The following KCNQ1 variants were observed in gnomAD, a reference collection of about 807,000 sequenced individuals.
The protein encoded by KCNQ1 is potassium voltage-gated channel subfamily Q member 1.
KCNQ1 carries 49 observed loss-of-function variants against 72.4 expected under a neutral mutation model. The observed-to-expected ratio is 0.68, with a 90% confidence interval of 0.54 to 0.86. The LOEUF is 0.86. Ranked by LOEUF, KCNQ1 falls within the 40% of genes least tolerant of loss-of-function variation. KCNQ1 has a pLI of 0.00. For synonymous variants in KCNQ1, 450 were observed against 412.6 expected (o/e 1.09, Z -1.10); for missense variants, 790 against 945.1 (o/e 0.84, Z 2.15).
intron 11 of KCNQ1, among the ~76,000 whole-genome samples, chr11:2,729,624 C>T (rs148729304): frequency 5.3e-4 from 81 of 152,246 alleles, no homozygotes; most frequent in Non-Finnish European, 8.4e-4. Context: ...GTCGTTATTC[C>T]CTAAACAATA....
intron 15 of KCNQ1, among the ~76,000 whole-genome samples, chr11:2,831,477 C>T (rs1003019042): frequency 4.6e-5 from 7 of 152,102 alleles, no homozygotes; most frequent in Non-Finnish European, 8.8e-5. Flanking sequence ...AGAAGCTCTC[C>T]AGGTCTCTGG....
Position 2,497,827 on chromosome 11 carries a change from C to T in KCNQ1, c.387-30101C>T, listed in dbSNP as rs1253594575. 6.6e-6 allele frequency among the ~76,000 whole-genome samples: 1 copy of T among 152,170 alleles called. No homozygotes were observed. The highest frequency in any genetic ancestry group is 1.5e-5 in the Non-Finnish European group (1 of 68,022). On this transcript the variant is annotated intron_variant, in intron 1 of 15. Transcript: ENST00000155840. The surrounding 1 kb of genome is among the most constrained non-coding windows in gnomAD (Gnocchi z 4.5). ...ATTTATCTGCCTTTGCTCTTTGAGGCTGATGACCTTTGGATGGGGTTTTTG... is the reference window on the plus strand; with the variant it reads ...ATTTATCTGCCTTTGCTCTTTGAGGTTGATGACCTTTGGATGGGGTTTTTG...
rs1042975117 is a variant in KCNQ1, at chr11:2,642,027, A to C, written c.1394-19934A>C. 11 of 398,208 alleles carry C rather than the reference A, an allele frequency of 2.8e-5. No homozygotes were observed. The highest frequency in any genetic ancestry group is 6.2e-4 in the Middle Eastern group (1 of 1,608). 24.7% of individuals were successfully genotyped at this position (398,208 alleles called of 1,614,324 possible). On this transcript the variant is annotated intron_variant, in intron 10 of 15. Coordinates refer to ENST00000155840, the MANE Select transcript of KCNQ1 (RefSeq NM_000218.3). The surrounding 1 kb of genome is among the most constrained non-coding windows in gnomAD (Gnocchi z 4.3). ...AATACCATGCTGCTTTTAATGCTATAGCCTTATATTTTTAAATCAGGCAGT... is the reference window on the plus strand; with the variant it reads ...AATACCATGCTGCTTTTAATGCTATCGCCTTATATTTTTAAATCAGGCAGT...
chr11:2,829,820 C>T (rs1179547675), intron 15 of KCNQ1, among the ~76,000 whole-genome samples: 2 of 151,834 alleles, frequency 1.3e-5, no homozygotes, highest in East Asian at 1.9e-4. Context: ...AGATCTAGCG[C>T]CCAGGGAAGG....
At position 2,785,263 on chromosome 11, in the gene KCNQ1, C is replaced by T. The variant is rs984720054; in HGVS notation, c.1794+7226C>T. On this transcript the variant is annotated intron_variant, in intron 15 of 15. Coordinates refer to ENST00000155840, the MANE Select transcript of KCNQ1 (RefSeq NM_000218.3). The surrounding 1 kb of genome is among the most constrained non-coding windows in gnomAD (Gnocchi z 4.4). ...GTGAGATGGTCCTGTGGTTTTTATT[C>T]CTTATTCTACTGATTTGGTATAATA... Among the ~76,000 whole-genome samples, 1 of 151,728 alleles carries T rather than the reference C, an allele frequency of 6.6e-6. No individual in the cohort carries two copies. The highest frequency in any genetic ancestry group is 1.5e-5 in the Non-Finnish European group (1 of 67,772).
At position 2,478,614 on chromosome 11, in the gene KCNQ1, C is replaced by T. The variant is rs758060371; in HGVS notation, c.386+33130C>T. 6.6e-5 allele frequency among the ~76,000 whole-genome samples: 10 copies of T among 152,156 alleles called. No homozygotes were observed. The highest frequency in any genetic ancestry group is 3.2e-3 in the Middle Eastern group (1 of 316). ...ACCCCCATGATTCAATTATCTCCCA[C>T]GAGGTCCCTCCCATGACACGTGGGA... On this transcript the variant is annotated intron_variant, in intron 1 of 15. Transcript: ENST00000155840. This position sits in a 1 kb window ranked among gnomAD's most constrained non-coding sequence, Gnocchi z 4.0.
At chr11:2,570,823 C>A (rs1451824085) in intron 3 of KCNQ1, 69 bp downstream of exon 3, 9 of 1,595,500 alleles carry the variant, frequency 5.6e-6, no homozygotes, top group African/African-American at 2.7e-5. Context: ...CACCTCATGA[C>A]CCCTACCAGA....
chr11:2,445,504 ACGGCC>A lies in KCNQ1; in HGVS notation c.386+21_386+25del. The A allele has an allele frequency of 6.3e-7, 1 of 1,587,328 alleles. No individual in the cohort carries two copies. Among genetic ancestry groups the A allele is most frequent in the Non-Finnish European group, 8.5e-7 (1 of 1,175,352 alleles). ...CGCCGTGTGAGTATCGCCACCGGCG[ACGGCC>A]GGCACGAAGGTGCTTCCTGAGAGCT... is the stretch of plus-strand genomic sequence containing the variant. On this transcript the variant is annotated intron_variant, in intron 1 of 15. Coordinates refer to ENST00000155840, the MANE Select transcript of KCNQ1 (RefSeq NM_000218.3).
In KCNQ1 at chr11:2,568,881, TGTTTTTC is replaced by T. The variant is rs1407524835; in HGVS notation, c.478-1740_478-1734del. ...CCTTTTGTTTTTGTTTTTTGATTTT[TGTTTTTC>T]GTTTTTTGTTTTTTGAGATGGAGTC... On this transcript the variant is annotated intron_variant, in intron 2 of 15. Coordinates refer to ENST00000155840, the MANE Select transcript of KCNQ1 (RefSeq NM_000218.3). Among the ~76,000 whole-genome samples the T allele has an allele frequency of 4.4e-3, 664 of 152,104 alleles. 8 individuals carry two copies. The highest frequency in any genetic ancestry group is 0.014 in the African/African-American group (593 of 41,516).
At chr11:2,680,187 T>C (rs1850368206) in intron 11 of KCNQ1, 1 of 391,120 alleles carries the variant, frequency 2.6e-6, no homozygotes, top group Non-Finnish European at 4.4e-6. Context: ...CCAATGCACC[T>C]GGCCTCAGCT....
At position 2,483,663 on chromosome 11, in the gene KCNQ1, A is replaced by G. The variant is rs1846689394; in HGVS notation, c.386+38179A>G. On this transcript the variant is annotated intron_variant, in intron 1 of 15. Coordinates refer to ENST00000155840, the MANE Select transcript of KCNQ1 (RefSeq NM_000218.3). The surrounding 1 kb of genome is among the most constrained non-coding windows in gnomAD (Gnocchi z 6.1). ...GGTTTGGATTCTCTGATATGCTCTC[A>G]TGATTAGATCAAGATTGTGCATTTT... Among the ~76,000 whole-genome samples the G allele has an allele frequency of 6.6e-6, 1 of 152,074 alleles. No individual in the cohort carries two copies. Among genetic ancestry groups the G allele is most frequent in the Non-Finnish European group, 1.5e-5 (1 of 68,004 alleles).
chr11:2,846,414 T>G (rs1410727492), intron 15 of KCNQ1, among the ~76,000 whole-genome samples: 1 of 152,172 alleles, frequency 6.6e-6, no homozygotes, highest in Non-Finnish European at 1.5e-5. Flanking sequence ...GAGGGTCTAC[T>G]TCATTCTCCA....
At chr11:2,846,724 G>A (rs79620551) in intron 15 of KCNQ1, among the ~76,000 whole-genome samples, 1,786 of 152,354 alleles carry the variant, frequency 0.012, 41 homozygotes, top group African/African-American at 0.04. Flanking sequence ...CACCCGGGGC[G>A]GGCTCCAGCC....
rs1018927341 is a variant in KCNQ1 at position 2,746,347 on chromosome 11, A to G, written c.1515-22497A>G. 5.9e-5 allele frequency among the ~76,000 whole-genome samples: 9 copies of G among 152,228 alleles called. No homozygotes were observed. Among genetic ancestry groups the G allele is most frequent in the Admixed American group, 2.6e-4 (4 of 15,290 alleles). On this transcript the variant is annotated intron_variant, in intron 11 of 15. Coordinates refer to ENST00000155840, the MANE Select transcript of KCNQ1 (RefSeq NM_000218.3). The surrounding 1 kb of genome is among the most constrained non-coding windows in gnomAD (Gnocchi z 5.9). ...CATTAGTATGCATTTGTCACAAGGAAACAACAGTGCTACATGACTGTTAAC... is the reference window on the plus strand; with the variant it reads ...CATTAGTATGCATTTGTCACAAGGAGACAACAGTGCTACATGACTGTTAAC...
chr11:2,795,556 C>T (rs986838725), intron 15 of KCNQ1, among the ~76,000 whole-genome samples: 1 of 152,190 alleles, frequency 6.6e-6, no homozygotes, highest in Non-Finnish European at 1.5e-5. Context: ...CTTGAGCAGG[C>T]CCCTGATCTA....
At chr11:2,465,136 C>T (rs898257698) in intron 1 of KCNQ1, among the ~76,000 whole-genome samples, 1 of 152,234 alleles carries the variant, frequency 6.6e-6, no homozygotes, top group Non-Finnish European at 1.5e-5. Context: ...CCATGGGCCA[C>T]AGGCCCCTTC....
At chr11:2,758,293 C>T (rs1389961287) in intron 11 of KCNQ1, among the ~76,000 whole-genome samples, 3 of 152,152 alleles carry the variant, frequency 2.0e-5, no homozygotes, top group African/African-American at 7.2e-5. Flanking sequence ...GGAAGAAGTA[C>T]ACCAAAAGAT....
Position 2,602,993 on chromosome 11 carries a change from A to G in KCNQ1, c.1393+14139A>G, listed in dbSNP as rs1848828658. On this transcript the variant is annotated intron_variant, in intron 10 of 15. Transcript: ENST00000155840. This position sits in a 1 kb window ranked among gnomAD's most constrained non-coding sequence, Gnocchi z 4.8. ...TAAGAAGTCTTTGGCCCTGGACCCC[A>G]AATATCTTCTGCTATAGCTTTTTTC... Among the ~76,000 whole-genome samples the G allele has an allele frequency of 6.6e-6, 1 of 152,202 alleles. No individual in the cohort carries two copies.
In KCNQ1 at chr11:2,446,813, T is replaced by A. The variant is rs1846046339; in HGVS notation, c.386+1329T>A. On this transcript the variant is annotated intron_variant, in intron 1 of 15. Transcript: ENST00000155840. The surrounding 1 kb of genome is among the most constrained non-coding windows in gnomAD (Gnocchi z 8.8). Reference sequence around the variant, plus strand: ...GCCTGAGCCACAGCCGCTGCTGGTCTGTGAGAGGAGCTGGCTCTGCTCGTG... The same window carrying A: ...GCCTGAGCCACAGCCGCTGCTGGTCAGTGAGAGGAGCTGGCTCTGCTCGTG... 6.6e-6 allele frequency among the ~76,000 whole-genome samples: 1 copy of A among 152,222 alleles called. No individual in the cohort carries two copies. Among genetic ancestry groups the A allele is most frequent in the Non-Finnish European group, 1.5e-5 (1 of 68,024 alleles).
Sources: gnomAD v4.1 joint callset for allele counts (sites outside exome capture counted in the v4.1 genomes callset) on GRCh38, gnomAD v4.1.1 for gene constraint, Gnocchi (gnomAD v3.1) non-coding constraint, MANE v1.5 for transcripts, NCBI Gene and HGNC (gene_info 2026-07-23, HGNC 2026-07-21) for gene names.